DLC1: variants seen among roughly 807,000 people sequenced by gnomAD.
The protein encoded by DLC1 is DLC1 Rho GTPase activating protein, also known as rho GTPase-activating protein 7.
A neutral mutation model predicts 140.3 loss-of-function variants in DLC1; 54 were observed. The observed-to-expected ratio is 0.38, with a 90% CI of 0.31 to 0.48. The LOEUF is 0.48. Among genes scored for constraint, DLC1 ranks in the 20% least tolerant of loss-of-function variants. The pLI, the probability that DLC1 is intolerant of heterozygous loss-of-function variation, is 0.96. For missense variants in DLC1, 2,536 were observed against 1,907.0 expected (o/e 1.33, Z -6.14); for synonymous variants, 986 against 728.1 (o/e 1.35, Z -5.70).
At chr8:13,189,838 C>T (rs542316492) in intron 5 of DLC1, among the ~76,000 whole-genome samples, 34 of 151,760 alleles carry the variant, frequency 2.2e-4, no homozygotes, top group African/African-American at 7.3e-4. Context: ...GCCAAGATCG[C>T]GCCATTGCAC....
chr8:13,241,298 G>A (rs1331134352), intron 5 of DLC1, among the ~76,000 whole-genome samples: 1 of 152,186 alleles, frequency 6.6e-6, no homozygotes. Flanking sequence ...GCCGTTTAGG[G>A]AGATAATATT....
At chr8:13,567,871 C>T (rs542176418) in intron 1 of DLC1, 7 of 1,551,886 alleles carry the variant, frequency 4.5e-6, no homozygotes, top group Admixed American at 2.0e-5. Flanking sequence ...TAGTGCTTGT[C>T]ATTTACCATT....
chr8:13,086,504 T>G lies in DLC1; in HGVS notation c.4293-41A>C, dbSNP rs757511457. The G allele has an allele frequency of 2.5e-6, 4 of 1,600,336 alleles. No homozygotes were observed. In the African/African-American group the frequency reaches 4.0e-5, roughly 16 times the overall value. On this transcript the variant is annotated intron_variant, in intron 16 of 17. Transcript: ENST00000276297. ...CAGAGGCAGAAATGATGGAATTTCA[T>G]AGAAGCCAAGTTTAAAATCGTGCTT...
chr8:13,289,843 C>T (rs982818252), intron 5 of DLC1, among the ~76,000 whole-genome samples: 9 of 152,138 alleles, frequency 5.9e-5, no homozygotes, highest in African/African-American at 2.2e-4. Flanking sequence ...TTTTGTCTCC[C>T]TGCCATGTCT....
At chr8:13,477,531 A>G (rs1800489849) in intron 2 of DLC1, among the ~76,000 whole-genome samples, 3 of 152,350 alleles carry the variant, frequency 2.0e-5, no homozygotes, top group African/African-American at 7.2e-5. Flanking sequence ...TATGATCTAC[A>G]TTTGATAAAA....
chr8:13,397,223 G>A (rs747796768), intron 3 of DLC1, among the ~76,000 whole-genome samples: 1 of 152,106 alleles, frequency 6.6e-6, no homozygotes, highest in Non-Finnish European at 1.5e-5. Context: ...ATATAGAGAA[G>A]GGAATGGAAG....
At chr8:13,551,494 T>C (rs1250619882) in intron 1 of DLC1, among the ~76,000 whole-genome samples, 1 of 152,078 alleles carries the variant, frequency 6.6e-6, no homozygotes. Flanking sequence ...CTCCAACCTC[T>C]TTCACAATAG....
intron 5 of DLC1, among the ~76,000 whole-genome samples, chr8:13,243,506 G>A (rs573907424): frequency 9.2e-5 from 14 of 152,186 alleles, no homozygotes; most frequent in African/African-American, 2.6e-4. Context: ...GTACAGCCAT[G>A]TGAGAAAAAT....
intron 4 of DLC1, among the ~76,000 whole-genome samples, chr8:13,378,211 G>A (rs1410979737): frequency 6.8e-6 from 1 of 147,678 alleles, no homozygotes; most frequent in East Asian, 2.0e-4. Context: ...AAAACTTAAA[G>A]TTCTTTTCAA....
At chr8:13,422,757 G>A (rs1838376581) in intron 2 of DLC1, among the ~76,000 whole-genome samples, 1 of 151,788 alleles carries the variant, frequency 6.6e-6, no homozygotes. Context: ...CTCTTAAGGA[G>A]TTGATACTAC....
In DLC1 at chr8:13,341,918, C is replaced by T. The variant is rs576101110; in HGVS notation, c.1315-36616G>A. On this transcript the variant is annotated intron_variant, in intron 4 of 17. Transcript: ENST00000276297. ...AAGGCAAATCAGCTGAAGAGTCTTT[C>T]AGTAAGTAAAAATAATAAAATGCCT... 69 of 152,238 alleles carry T rather than the reference C, an allele frequency of 4.5e-4. 1 individual carries two copies. Among genetic ancestry groups the T allele is most frequent in the African/African-American group, 1.5e-3 (62 of 41,526 alleles). 9.4% of individuals were successfully genotyped at this position (152,238 alleles called of 1,614,324 possible).
At chr8:13,264,389 A>G (rs145086460) in intron 5 of DLC1, among the ~76,000 whole-genome samples, 86 of 152,286 alleles carry the variant, frequency 5.6e-4, no homozygotes, top group African/African-American at 2.0e-3. Flanking sequence ...AAGGAACTTT[A>G]TGTTCAAACA....
At chr8:13,283,451 G>A (rs1214886184) in intron 5 of DLC1, among the ~76,000 whole-genome samples, 1 of 152,158 alleles carries the variant, frequency 6.6e-6, no homozygotes, top group African/African-American at 2.4e-5. Flanking sequence ...CTCTGCATAT[G>A]GGCAATTTTG....
At chr8:13,214,112 T>C (rs961170208) in intron 5 of DLC1, among the ~76,000 whole-genome samples, 4 of 152,176 alleles carry the variant, frequency 2.6e-5, no homozygotes, top group African/African-American at 9.6e-5. Flanking sequence ...TAAGAAGATA[T>C]ATTCTGAGTA....
intron 5 of DLC1, chr8:13,214,343 T>C (rs1464567591): frequency 3.2e-6 from 1 of 312,756 alleles, no homozygotes; most frequent in East Asian, 5.9e-5. Flanking sequence ...CCGGGTTCTT[T>C]AGGAAAGTTT....
intron 4 of DLC1, among the ~76,000 whole-genome samples, chr8:13,393,321 C>T (rs1424860733): frequency 2.0e-5 from 3 of 152,126 alleles, no homozygotes; most frequent in Non-Finnish European, 4.4e-5. Flanking sequence ...TTAATTAGCA[C>T]GTTTCGAATA....
At chr8:13,436,465 A>T (rs556956053) in intron 2 of DLC1, among the ~76,000 whole-genome samples, 1 of 152,330 alleles carries the variant, frequency 6.6e-6, no homozygotes, top group African/African-American at 2.4e-5. Context: ...ACCCGTTTTC[A>T]ATCTTCATTA....
At chr8:13,216,798 C>T (rs568127143) in intron 5 of DLC1, among the ~76,000 whole-genome samples, 26 of 152,074 alleles carry the variant, frequency 1.7e-4, no homozygotes, top group African/African-American at 6.3e-4. Context: ...CTAGTAGTAC[C>T]CCCAGCTGTG....
intron 5 of DLC1, among the ~76,000 whole-genome samples, chr8:13,140,646 T>C (rs149871326): frequency 1.3e-5 from 2 of 152,310 alleles, no homozygotes; most frequent in African/African-American, 2.4e-5. Context: ...TTTACTAGTA[T>C]GTCATCTGCC....
Sources: allele counts gnomAD v4.1 joint callset (sites outside exome capture counted in the v4.1 genomes callset), GRCh38; gene constraint gnomAD v4.1.1; transcripts MANE v1.5; gene names NCBI Gene and HGNC (gene_info 2026-07-23, HGNC 2026-07-21).